CCNY: variants seen among roughly 807,000 people sequenced by gnomAD.
CCNY encodes the protein cyclin Y.
In CCNY, 19 loss-of-function variants were observed where a neutral mutation model predicts 42.8. The observed-to-expected ratio is 0.44, with a 90% confidence interval of 0.31 to 0.65. CCNY has a LOEUF of 0.65. Ranked by LOEUF, CCNY falls within the 30% of genes least tolerant of loss-of-function variation. The pLI, the probability that CCNY is intolerant of heterozygous loss-of-function variation, is 0.07. For missense variants in CCNY, 370 were observed against 437.3 expected (o/e 0.85, Z 1.37); for synonymous variants, 165 against 162.7 (o/e 1.01, Z -0.11).
chr10:35,384,458 A>AG (rs1837259715), intron 1 of CCNY, among the ~76,000 whole-genome samples: 1 of 152,198 alleles, frequency 6.6e-6, no homozygotes, highest in Admixed American at 6.5e-5. Flanking sequence ...CTGTGGAGAT[A>AG]CTTAACGTTT....
At chr10:35,468,160 G>A (rs888485696) in intron 1 of CCNY, among the ~76,000 whole-genome samples, 6 of 152,238 alleles carry the variant, frequency 3.9e-5, no homozygotes, top group African/African-American at 1.4e-4. Flanking sequence ...CAGCTTCCCG[G>A]TTCATAGATG....
chr10:35,341,431 C>T (rs1278593455), intron 1 of CCNY, among the ~76,000 whole-genome samples: 1 of 152,202 alleles, frequency 6.6e-6, no homozygotes, highest in Non-Finnish European at 1.5e-5. Flanking sequence ...TTCTTTATTC[C>T]TTAACACTTT....
chr10:35,301,253 T>A (rs1410787661), intron 3 of CCNY, among the ~76,000 whole-genome samples: 1 of 152,212 alleles, frequency 6.6e-6, no homozygotes, highest in African/African-American at 2.4e-5. Flanking sequence ...AAGCATAATA[T>A]TCCTTGTTTA....
intron 1 of CCNY, among the ~76,000 whole-genome samples, chr10:35,351,211 G>A (rs188514754): frequency 5.5e-4 from 84 of 152,348 alleles, no homozygotes; most frequent in Admixed American, 3.5e-3. Context: ...CAGGACTTAT[G>A]TCAGTGTGTG....
At position 35,522,436 on chromosome 10, in the gene CCNY, G is replaced by A. The variant is rs185965588; in HGVS notation, c.366-3528G>A. 1.5e-3 allele frequency among the ~76,000 whole-genome samples: 226 copies of A among 152,274 alleles called. 2 individuals carry two copies. Among genetic ancestry groups the A allele is most frequent in the Non-Finnish European group, 2.6e-3 (180 of 68,024 alleles). On this transcript the variant is annotated intron_variant, in intron 4 of 9. Transcript: ENST00000374704. ...ATATCAGTCTCAAAACACAGTTTGGGGAGAAACATTCTCCTGGGAGCTGCC... is the reference window on the plus strand; with the variant it reads ...ATATCAGTCTCAAAACACAGTTTGGAGAGAAACATTCTCCTGGGAGCTGCC...
chr10:35,550,778 C>A (rs995685833), intron 7 of CCNY, among the ~76,000 whole-genome samples: 4 of 152,160 alleles, frequency 2.6e-5, no homozygotes, highest in Admixed American at 1.3e-4. Context: ...TTTACTCCCC[C>A]CTCTTCTTTG....
At chr10:35,324,134 A>G (rs1589036150) in intron 3 of CCNY, among the ~76,000 whole-genome samples, 1 of 152,186 alleles carries the variant, frequency 6.6e-6, no homozygotes, top group East Asian at 1.9e-4. Context: ...ACGAGGCTCA[A>G]TTCCTTTAAG....
intron 1 of CCNY, among the ~76,000 whole-genome samples, chr10:35,344,821 C>A (rs1836264056): frequency 6.6e-6 from 1 of 151,972 alleles, no homozygotes; most frequent in African/African-American, 2.4e-5. Context: ...TGAGAACATG[C>A]CGTGTTTGGT....
At chr10:35,568,000 C>T (rs1454165700) in intron 9 of CCNY, among the ~76,000 whole-genome samples, 1 of 152,238 alleles carries the variant, frequency 6.6e-6, no homozygotes, top group Non-Finnish European at 1.5e-5. Context: ...AGCATGAGCC[C>T]CCTCTCAGCC....
Position 35,286,576 on chromosome 10 carries a change from G to A in CCNY, c.-9+35950G>A, listed in dbSNP as rs554678109. Reference sequence around the variant, plus strand: ...GTTTCGCCATGTTGGCCATGGTTTCGAACTCCTGACCTCAGGTGATCTGCC... The same window carrying A: ...GTTTCGCCATGTTGGCCATGGTTTCAAACTCCTGACCTCAGGTGATCTGCC... On this transcript the variant is annotated intron_variant, in intron 3 of 11. Coordinates refer to the CCNY transcript ENST00000374706. Among the ~76,000 whole-genome samples the A allele has an allele frequency of 1.1e-4, 16 of 150,644 alleles. No homozygotes were observed. The East Asian group carries it at 1.8e-3, about 17-fold the overall frequency.
chr10:35,416,945 A>T (rs1371725284), intron 1 of CCNY, among the ~76,000 whole-genome samples: 1 of 152,222 alleles, frequency 6.6e-6, no homozygotes, highest in Non-Finnish European at 1.5e-5. Flanking sequence ...AGGGTCATTA[A>T]TACTAGCCTT....
At chr10:35,420,815 A>C (rs1277127105) in intron 1 of CCNY, among the ~76,000 whole-genome samples, 1 of 152,238 alleles carries the variant, frequency 6.6e-6, no homozygotes, top group Admixed American at 6.5e-5. Context: ...ACTAATTTTT[A>C]ACTGTTAATT....
At chr10:35,294,472 G>A (rs1000973626) in intron 3 of CCNY, among the ~76,000 whole-genome samples, 1 of 152,140 alleles carries the variant, frequency 6.6e-6, no homozygotes, top group Non-Finnish European at 1.5e-5. Flanking sequence ...ATGAAAGATT[G>A]TTACATTTCA....
chr10:35,318,254 A>G (rs549577953), intron 3 of CCNY, among the ~76,000 whole-genome samples: 11 of 152,148 alleles, frequency 7.2e-5, no homozygotes, highest in African/African-American at 2.6e-4. Context: ...AAATAAATAA[A>G]TAAGATTAAA....
intron 3 of CCNY, among the ~76,000 whole-genome samples, chr10:35,264,971 T>C (rs1288541091): frequency 1.3e-5 from 2 of 152,194 alleles, no homozygotes; most frequent in East Asian, 3.8e-4. Context: ...TTTTGTTTTT[T>C]CTTGTAAATT....
intron 1 of CCNY, among the ~76,000 whole-genome samples, chr10:35,475,556 A>C (rs1159732731): frequency 3.3e-5 from 5 of 151,296 alleles, no homozygotes; most frequent in African/African-American, 1.2e-4. Context: ...TAAGTGAAGG[A>C]GAAATAAAAT....
At chr10:35,503,366 C>A (rs1840149823) in intron 3 of CCNY, among the ~76,000 whole-genome samples, 1 of 152,152 alleles carries the variant, frequency 6.6e-6, no homozygotes, top group Admixed American at 6.5e-5. Context: ...AAGTTTCTTA[C>A]ATAACAGATG....
chr10:35,379,573 G>A (rs1837132203), intron 1 of CCNY, among the ~76,000 whole-genome samples: 1 of 152,232 alleles, frequency 6.6e-6, no homozygotes, highest in South Asian at 2.1e-4. Context: ...TGACTTAGCT[G>A]AAGTCTGCAT....
intron 1 of CCNY, among the ~76,000 whole-genome samples, chr10:35,348,665 G>A (rs893127289): frequency 6.6e-6 from 1 of 152,216 alleles, no homozygotes; most frequent in Admixed American, 6.5e-5. Flanking sequence ...TGAAAGCCCG[G>A]CAGGGCCCTG....
Sources: gnomAD v4.1 joint callset for allele counts (sites outside exome capture counted in the v4.1 genomes callset) on GRCh38, gnomAD v4.1.1 for gene constraint, MANE v1.5 for transcripts, NCBI Gene and HGNC (gene_info 2026-07-23, HGNC 2026-07-21) for gene names.